SPATA18: variants seen among roughly 807,000 people sequenced by gnomAD.
SPATA18 encodes the protein mitochondria-eating protein.
Under a neutral mutation model 68.1 loss-of-function variants are expected in SPATA18, and 54 were observed. That is an observed-to-expected ratio of 0.79 (90% CI 0.64 to 0.99). The LOEUF (loss-of-function observed/expected upper bound fraction) is 0.99. Among genes scored for constraint, SPATA18 ranks in the 50% least tolerant of loss-of-function variants. The pLI, the probability that SPATA18 is intolerant of heterozygous loss-of-function variation, is 0.00. For missense variants in SPATA18, 724 were observed against 681.1 expected, an observed-to-expected ratio of 1.06 and a Z score of -0.70; for synonymous variants, 242 against 244.8, an observed-to-expected ratio of 0.99 and a Z score of 0.11.
chr4:52,091,226 T>A (rs1013464454), intron 11 of SPATA18, among the ~76,000 whole-genome samples: 3 of 152,078 alleles, frequency 2.0e-5, no homozygotes, highest in South Asian at 2.1e-4. Context: ...TTGCAGTGGG[T>A]TAGAACATAC....
At chr4:52,092,720 T>G (rs2109543873) in intron 11 of SPATA18, among the ~76,000 whole-genome samples, 1 of 152,326 alleles carries the variant, frequency 6.6e-6, no homozygotes, top group Non-Finnish European at 1.5e-5. Flanking sequence ...TGCATGCTCC[T>G]TATCATACAT....
rs758594533 is a variant in SPATA18 at position 52,079,855 on chromosome 4, C to T, written c.1291C>T (p.Gln431Ter). 35 of 1,614,062 alleles carry T rather than the reference C, an allele frequency of 2.2e-5. 1 individual carries two copies. The South Asian group carries it at 3.6e-4, about 17-fold the overall frequency. The change falls in exon 9 of 13, where the codon CAG becomes TAG. Residue 431 changes from glutamine (Q) to a stop codon, truncating the protein, a stop_gained. Transcript: ENST00000295213. LOFTEE classifies it high-confidence loss of function. ...QEICCIAFAM[Q>*]ALEPPLDIAY... ...GATATGTTGCATTGCCTTTGCAATG[C>T]AGGCCTTAGAACCACCCCTAGATAT... is the stretch of plus-strand genomic sequence containing the variant.
chr4:52,076,060 T>C (rs755063339), intron 6 of SPATA18, among the ~76,000 whole-genome samples: 3 of 152,232 alleles, frequency 2.0e-5, no homozygotes, highest in Non-Finnish European at 4.4e-5. Context: ...TAAATCTCCA[T>C]TAGCTACCTC....
rs188366452 is a variant in SPATA18 at position 52,072,781 on chromosome 4, A to G, written c.758+625A>G. Among the ~76,000 whole-genome samples, 259 of 152,262 alleles carry G rather than the reference A, an allele frequency of 1.7e-3. 3 individuals are homozygous for G. The highest frequency in any genetic ancestry group is 3.4e-3 in the Middle Eastern group (1 of 294). ...AAGAGGTGGTACCCTCATGGAAAAA[A>G]TGTTCTGTAATATGAGGGGTCATTT... is the stretch of plus-strand genomic sequence containing the variant. On this transcript the variant is annotated intron_variant, in intron 6 of 12. Transcript: ENST00000295213.
At chr4:52,066,782 G>C (rs941172639) in intron 4 of SPATA18, among the ~76,000 whole-genome samples, 2 of 152,150 alleles carry the variant, frequency 1.3e-5, no homozygotes, top group Non-Finnish European at 2.9e-5. Flanking sequence ...GCGTTAGTTT[G>C]CTGAAGATAA....
At chr4:52,083,242 A>G (rs1416472938) in intron 10 of SPATA18, 4 of 985,242 alleles carry the variant, frequency 4.1e-6, no homozygotes, top group East Asian at 2.3e-4. Context: ...AAAGAGTTAA[A>G]TGAAGCCCCT....
At chr4:52,089,415 G>A (rs997647268) in intron 11 of SPATA18, among the ~76,000 whole-genome samples, 5 of 152,074 alleles carry the variant, frequency 3.3e-5, no homozygotes, top group African/African-American at 1.2e-4. Context: ...TTGTCTTATG[G>A]GTATTTAATG....
chr4:52,064,444 A>T (rs542026846), intron 4 of SPATA18, among the ~76,000 whole-genome samples: 1 of 151,990 alleles, frequency 6.6e-6, no homozygotes, highest in Non-Finnish European at 1.5e-5. Flanking sequence ...CTTTCCCTCC[A>T]AGTCCCCAAA....
intron 6 of SPATA18, among the ~76,000 whole-genome samples, chr4:52,074,477 G>T (rs1197468910): frequency 1.3e-5 from 2 of 152,276 alleles, no homozygotes; most frequent in Admixed American, 6.5e-5. Context: ...TTCAAAACCA[G>T]GGAAGCATAT....
chr4:52,060,442 A>G lies in SPATA18; in HGVS notation c.111A>G (p.Leu37=), dbSNP rs1738731294. Residue 37 remains leucine (L), a synonymous_variant, in exon 2 of 13, where the codon CTA becomes CTG. Coordinates refer to ENST00000295213, the MANE Select transcript of SPATA18 (RefSeq NM_145263.4). The part of the protein sequence containing the change: ...EYNTNTCDQN[L]NHCLELIEQV... ...AGACAAACACGTGTGATCAAAATCT[A>G]AACCATTGCCTTGAACTCATTGAGC... The G allele has an allele frequency of 3.7e-6, 6 of 1,614,006 alleles. No homozygotes were observed. Among genetic ancestry groups the G allele is most frequent in the Non-Finnish European group, 5.1e-6 (6 of 1,179,922 alleles).
chr4:52,087,417 T>C (rs1235098588), intron 11 of SPATA18, among the ~76,000 whole-genome samples: 1 of 152,236 alleles, frequency 6.6e-6, no homozygotes, highest in Non-Finnish European at 1.5e-5. Context: ...ATTTAAGTCT[T>C]TGGTCCATCT....
intron 6 of SPATA18, among the ~76,000 whole-genome samples, chr4:52,073,584 C>T (rs1740059143): frequency 6.6e-6 from 1 of 152,000 alleles, no homozygotes; most frequent in Non-Finnish European, 1.5e-5. Context: ...CAAGCCTGAG[C>T]AACATGGCAA....
chr4:52,082,187 G>A (rs1740984911), intron 9 of SPATA18, among the ~76,000 whole-genome samples, 200 bp from the exon 10 acceptor site: 1 of 75,322 alleles, frequency 1.3e-5, no homozygotes, highest in African/African-American at 3.3e-5. Flanking sequence ...ACACGATTTG[G>A]TCTTAGCATA....
At chr4:52,058,345 A>AGG (rs1738533587) in intron 1 of SPATA18, among the ~76,000 whole-genome samples, 1 of 152,110 alleles carries the variant, frequency 6.6e-6, no homozygotes, top group South Asian at 2.1e-4. Flanking sequence ...AAATGGCTGC[A>AGG]GGAGAAATCA....
chr4:52,053,417 T>C (rs1403666817), intron 1 of SPATA18, among the ~76,000 whole-genome samples: 2 of 152,160 alleles, frequency 1.3e-5, no homozygotes, highest in Non-Finnish European at 2.9e-5. Flanking sequence ...TTCTCTTGAG[T>C]TTGCAGGCAT....
In SPATA18 at chr4:52,062,202, T is replaced by G; in HGVS notation, c.310-18T>G. The stretch of plus-strand genomic sequence containing the variant: ...ATTCAGACTGTTTTTTTTTTTTTTT[T>G]TTGGTGTATCTTTCCAGGACACGTT... On this transcript the variant is annotated intron_variant, in intron 3 of 12. Transcript: ENST00000295213. 1 of 1,367,300 alleles carries G rather than the reference T, an allele frequency of 7.3e-7. No homozygotes were observed. Among genetic ancestry groups the G allele is most frequent in the East Asian group, 2.3e-5 (1 of 42,982 alleles). 84.7% of individuals were successfully genotyped at this position (1,367,300 alleles called of 1,614,324 possible).
rs1209060865 is a variant in SPATA18 at position 52,051,689 on chromosome 4, AG to A, written c.-15del. 3 of 1,613,680 alleles carry A rather than the reference AG, an allele frequency of 1.9e-6. No homozygotes were observed. Among genetic ancestry groups the A allele is most frequent in the Non-Finnish European group, 1.7e-6 (2 of 1,179,588 alleles). On this transcript the variant is annotated 5_prime_UTR_variant, in exon 1 of 13. Transcript: ENST00000295213. ...GTCTCCATCGCGCAGCGTGGGGCCG[AG>A]AGGAATAGTGAGCGATGGCGGAAAA... is the stretch of plus-strand genomic sequence containing the variant.
intron 11 of SPATA18, among the ~76,000 whole-genome samples, chr4:52,090,291 A>G (rs752718119): frequency 2.0e-5 from 3 of 152,106 alleles, no homozygotes; most frequent in Non-Finnish European, 4.4e-5. Flanking sequence ...TTTAAGGTTA[A>G]TATTGTTATG....
intron 1 of SPATA18, among the ~76,000 whole-genome samples, chr4:52,054,100 G>T (rs143876483): frequency 6.0e-4 from 92 of 152,312 alleles, no homozygotes; most frequent in African/African-American, 2.1e-3. Flanking sequence ...TTCTATATCT[G>T]CATTGTCCAA....
Sources: allele counts gnomAD v4.1 joint callset (sites outside exome capture counted in the v4.1 genomes callset), GRCh38; gene constraint gnomAD v4.1.1; transcripts MANE v1.5; gene names NCBI Gene and HGNC (gene_info 2026-07-23, HGNC 2026-07-21).